Variants in HYDIN observed in about 807,000 individuals in gnomAD.
HYDIN encodes HYDIN axonemal central pair apparatus protein, also known as axonemal central pair apparatus protein HYDIN.
Under a neutral mutation model 403.9 loss-of-function variants are expected in HYDIN, and 132 were observed. The ratio of observed to expected loss-of-function variants is 0.33; its 90% CI spans 0.28 to 0.38. HYDIN has a LOEUF of 0.38. Ranked by LOEUF, HYDIN falls within the 10% of genes least tolerant of loss-of-function variation. The pLI is 1.00. For synonymous variants in HYDIN, 1,202 were observed against 1,891.7 expected, an observed-to-expected ratio of 0.64 and a Z score of 9.46; for missense variants, 2,827 against 5,009.5, an observed-to-expected ratio of 0.56 and a Z score of 13.15.
chr16:71,197,707 C>T (rs1216855889), intron 1 of HYDIN, among the ~76,000 whole-genome samples: 1 of 152,126 alleles, frequency 6.6e-6, no homozygotes, highest in African/African-American at 2.4e-5. Flanking sequence ...AACCACTATC[C>T]TCACTTTTTG....
At position 70,807,730 on chromosome 16, in the gene HYDIN, C is replaced by T; in HGVS notation, c.15216G>A (p.Lys5072=). ...TIRAGESVRP[K]KINNITVSFE... ...AGGAGACTGTGATGTTGTTGATCTT[C>T]TTGGGCCGCACAGACTCTCCAGCGC... The change falls in exon 86 of 86, where the codon AAG becomes AAA. Residue 5072 remains lysine, a synonymous_variant. Transcript: ENST00000393567. The T allele has an allele frequency of 1.2e-6, 2 of 1,614,196 alleles. No homozygotes were observed. The highest frequency in any genetic ancestry group is 1.1e-5 in the South Asian group (1 of 91,084).
chr16:71,223,852 A>C (rs776617345), intron 1 of HYDIN, among the ~76,000 whole-genome samples: 1 of 152,222 alleles, frequency 6.6e-6, no homozygotes, highest in Non-Finnish European at 1.5e-5. Context: ...ATGTGGTGAA[A>C]AGGGAATACT....
At position 71,186,882 on chromosome 16, in the gene HYDIN, C is replaced by A. The variant is rs759115065; in HGVS notation, c.14G>T (p.Arg5Ile). The A allele has an allele frequency of 3.8e-5, 61 of 1,610,002 alleles. No individual in the cohort carries two copies. Among genetic ancestry groups the A allele is most frequent in the Admixed American group, 1.2e-4 (7 of 59,464 alleles). The change falls in exon 2 of 86, where the codon AGA becomes ATA. Residue 5 changes from arginine to isoleucine, a missense_variant. Physicochemically the swap from Arg to Ile is moderately conservative, Grantham distance 97 (BLOSUM62 -3). Transcript: ENST00000393567. The part of the protein sequence containing the change: MTSR[R>I]LEESMGAVQM... ...AACAGCCCCCATGGACTCCTCAAGT[C>A]TTCTACTTGTCATTTTTAGTAATTT... is the stretch of plus-strand genomic sequence containing the variant.
At chr16:70,957,083 G>A (rs1376739035) in intron 39 of HYDIN, among the ~76,000 whole-genome samples, 2 of 150,408 alleles carry the variant, frequency 1.3e-5, no homozygotes, top group Non-Finnish European at 2.9e-5. Context: ...CCTCCAGAAC[G>A]TTGTCATCTT....
chr16:71,036,007 T>C (rs540417552), intron 18 of HYDIN, among the ~76,000 whole-genome samples: 2 of 151,580 alleles, frequency 1.3e-5, no homozygotes, highest in African/African-American at 4.8e-5. Context: ...AGTCTAGCCC[T>C]GGGTCTACAG....
chr16:71,200,237 C>T (rs1402664047), intron 1 of HYDIN, among the ~76,000 whole-genome samples: 2 of 152,316 alleles, frequency 1.3e-5, no homozygotes, highest in South Asian at 4.1e-4. Flanking sequence ...CAGCAGCCCT[C>T]GGGGCTGCTC....
chr16:71,108,503 CT>C (rs1876102359), intron 10 of HYDIN, among the ~76,000 whole-genome samples: 1 of 151,836 alleles, frequency 6.6e-6, no homozygotes, highest in South Asian at 2.1e-4. Flanking sequence ...TAGTGCTTGC[CT>C]TATAATTATT....
At chr16:71,137,920 CACACACACACAT>C (rs1231237348) in intron 7 of HYDIN, among the ~76,000 whole-genome samples, 1 of 148,380 alleles carries the variant, frequency 6.7e-6, no homozygotes, top group Non-Finnish European at 1.5e-5. Context: ...ACAAAAGAAA[CACACACACACAT>C]ACACACACAC....
chr16:71,105,378 T>C (rs2083583167), intron 10 of HYDIN, among the ~76,000 whole-genome samples: 2 of 150,242 alleles, frequency 1.3e-5, no homozygotes, highest in African/African-American at 4.9e-5. Context: ...ATTGGAGAGA[T>C]GCTGAGTAAC....
At chr16:71,045,129 T>C (rs570720729) in intron 18 of HYDIN, among the ~76,000 whole-genome samples, 1 of 152,324 alleles carries the variant, frequency 6.6e-6, no homozygotes, top group East Asian at 1.9e-4. Context: ...TCCCTGGACA[T>C]GTAGGTCTTT....
intron 30 of HYDIN, among the ~76,000 whole-genome samples, 191 bp downstream of exon 30, chr16:70,978,723 G>A (rs1004407579): frequency 6.6e-6 from 1 of 152,108 alleles, no homozygotes; most frequent in Non-Finnish European, 1.5e-5. Flanking sequence ...CTGATTCTTT[G>A]CCTTATCTCT....
chr16:70,820,803 C>T (rs1430157763), intron 83 of HYDIN, among the ~76,000 whole-genome samples: 2 of 151,974 alleles, frequency 1.3e-5, no homozygotes, highest in Non-Finnish European at 2.9e-5. Context: ...CATGTGCCAC[C>T]ACACCCGTCT....
At chr16:71,202,466 A>C (rs1008357164) in intron 1 of HYDIN, among the ~76,000 whole-genome samples, 2 of 152,170 alleles carry the variant, frequency 1.3e-5, no homozygotes, top group African/African-American at 4.8e-5. Context: ...CAAGAGATGT[A>C]ATGGCCCTCT....
At chr16:70,991,279 C>A in intron 25 of HYDIN, 39 bp downstream of exon 25, 2 of 1,612,618 alleles carry the variant, frequency 1.2e-6, no homozygotes, top group Non-Finnish European at 8.5e-7. Context: ...GGGAAGGACC[C>A]TTGACCTGCC....
intron 23 of HYDIN, among the ~76,000 whole-genome samples, chr16:71,004,344 T>G (rs2040824): frequency 6.9e-6 from 1 of 145,780 alleles, no homozygotes. Flanking sequence ...GAACTCTTGT[T>G]TTATTTTTGA....
intron 85 of HYDIN, among the ~76,000 whole-genome samples, chr16:70,809,137 A>C (rs1157305984): frequency 6.6e-6 from 1 of 152,216 alleles, no homozygotes; most frequent in Non-Finnish European, 1.5e-5. Context: ...GCTGGTCTTC[A>C]ACTCCTGGCT....
chr16:71,215,925 G>A (rs992880682), intron 1 of HYDIN, among the ~76,000 whole-genome samples: 1 of 152,068 alleles, frequency 6.6e-6, no homozygotes, highest in Non-Finnish European at 1.5e-5. Context: ...ACCACAAGAT[G>A]CCCCTACACA....
chr16:71,148,902 G>A (rs1483401780), intron 7 of HYDIN, among the ~76,000 whole-genome samples: 1 of 129,754 alleles, frequency 7.7e-6, no homozygotes, highest in Non-Finnish European at 1.6e-5. Flanking sequence ...GGGACTACAG[G>A]TGCATGCCAC....
In HYDIN at chr16:70,902,819, ATATTTT is replaced by A. The variant is rs1175566788; in HGVS notation, c.8849+800_8849+805del. On this transcript the variant is annotated intron_variant, in intron 52 of 85. Transcript: ENST00000393567. ...AATATATATATATATATATATATATATATTTTTTTTTTTTTTTTTGTCCCACTCTCT... is the reference window on the plus strand; with the variant it reads ...AATATATATATATATATATATATATATTTTTTTTTTTTTGTCCCACTCTCT... Among the ~76,000 whole-genome samples, 26 of 17,204 alleles carry A rather than the reference ATATTTT, an allele frequency of 1.5e-3. No homozygotes were observed. The South Asian group carries it at 0.054, about 36-fold the overall frequency. 11.3% of individuals were successfully genotyped at this position (17,204 alleles called of 152,430 possible). A position where few individuals can be genotyped will look rare whatever the true frequency, so the allele number is the denominator to read the frequency against.
Sources: allele counts gnomAD v4.1 joint callset (sites outside exome capture counted in the v4.1 genomes callset), GRCh38; gene constraint gnomAD v4.1.1; transcripts MANE v1.5; gene names NCBI Gene and HGNC (gene_info 2026-07-23, HGNC 2026-07-21).